LRRC7: variants seen among roughly 807,000 people sequenced by gnomAD.
LRRC7 encodes the protein leucine-rich repeat-containing protein 7.
LRRC7 carries 23 observed loss-of-function variants against 175.7 expected under a neutral mutation model. The ratio of observed to expected loss-of-function variants is 0.13; its 90% confidence interval spans 0.09 to 0.19. LRRC7 has a LOEUF of 0.19. Among genes scored for constraint, LRRC7 ranks in the 10% least tolerant of loss-of-function variants. LRRC7 has a pLI of 1.00. For synonymous variants in LRRC7, 685 were observed against 680.9 expected, an observed-to-expected ratio of 1.01 and a Z score of -0.09; for missense variants, 1,354 against 1,904.7, an observed-to-expected ratio of 0.71 and a Z score of 5.38.
intron 4 of LRRC7, among the ~76,000 whole-genome samples, chr1:69,793,695 G>T (rs747184783): frequency 6.6e-6 from 1 of 151,424 alleles, no homozygotes; most frequent in Non-Finnish European, 1.5e-5. Context: ...CTATTGTCTG[G>T]AATCTCCTTA....
chr1:69,956,834 G>A (rs1650542880), intron 8 of LRRC7, among the ~76,000 whole-genome samples: 1 of 151,396 alleles, frequency 6.6e-6, no homozygotes, highest in Admixed American at 6.6e-5. Context: ...AACTCTAATA[G>A]TGTTTAAAAA....
intron 7 of LRRC7, among the ~76,000 whole-genome samples, chr1:69,926,369 CT>C (rs973625949): frequency 4.6e-5 from 6 of 131,216 alleles, no homozygotes; most frequent in African/African-American, 1.6e-4. Flanking sequence ...TCCTTGTTAA[CT>C]TTCTGTCTCG....
chr1:69,830,436 A>G (rs2101288119), intron 5 of LRRC7, among the ~76,000 whole-genome samples: 1 of 151,960 alleles, frequency 6.6e-6, no homozygotes, highest in Admixed American at 6.6e-5. Flanking sequence ...TGGCAGACTC[A>G]CTGACTGTAT....
chr1:69,649,780 T>C (rs563152058), intron 1 of LRRC7, among the ~76,000 whole-genome samples: 1 of 152,196 alleles, frequency 6.6e-6, no homozygotes, highest in East Asian at 1.9e-4. Context: ...CTCCAGCTTT[T>C]TGTGCAAGCA....
chr1:69,925,478 G>T (rs1024442258), intron 7 of LRRC7, among the ~76,000 whole-genome samples: 6 of 152,048 alleles, frequency 3.9e-5, no homozygotes, highest in East Asian at 1.9e-4. Flanking sequence ...CAATTTCAGA[G>T]GCTGTTATTG....
chr1:69,909,096 T>A (rs1179801415), intron 7 of LRRC7, among the ~76,000 whole-genome samples: 1 of 151,918 alleles, frequency 6.6e-6, no homozygotes, highest in Non-Finnish European at 1.5e-5. Context: ...TTGCAACCCC[T>A]GCCTTTTTTT....
chr1:70,026,953 T>C (rs1294832571), intron 17 of LRRC7, among the ~76,000 whole-genome samples: 1 of 152,120 alleles, frequency 6.6e-6, no homozygotes, highest in African/African-American at 2.4e-5. Flanking sequence ...ATTCATAGTT[T>C]TCAGATCTAT....
intron 2 of LRRC7, among the ~76,000 whole-genome samples, chr1:69,741,104 T>C (rs573154515): frequency 2.6e-5 from 4 of 152,142 alleles, no homozygotes; most frequent in Non-Finnish European, 5.9e-5. Context: ...AAGGGAGTCA[T>C]GTCAACAATT....
intron 1 of LRRC7, among the ~76,000 whole-genome samples, chr1:69,572,828 T>A (rs572105093): frequency 6.6e-6 from 1 of 152,210 alleles, no homozygotes; most frequent in Non-Finnish European, 1.5e-5. Context: ...AAGTATAAAC[T>A]TTTTTGTATA....
At chr1:69,839,575 C>G (rs61784022) in intron 7 of LRRC7, among the ~76,000 whole-genome samples, 3 of 125,714 alleles carry the variant, frequency 2.4e-5, no homozygotes, top group African/African-American at 4.6e-5. Context: ...ATCCCTGATG[C>G]TTTTGTCTGC....
intron 1 of LRRC7, among the ~76,000 whole-genome samples, chr1:69,589,040 A>T (rs1646519113): frequency 6.9e-6 from 1 of 144,314 alleles, no homozygotes; most frequent in African/African-American, 2.7e-5. Context: ...CATGTAATAT[A>T]CATTTTTAGT....
chr1:70,063,535 T>C (rs964154189), intron 23 of LRRC7, among the ~76,000 whole-genome samples: 1 of 151,994 alleles, frequency 6.6e-6, no homozygotes, highest in African/African-American at 2.4e-5. Context: ...TAACTTGAAG[T>C]TCTACATAAC....
At chr1:69,723,023 G>T (rs932392873) in intron 2 of LRRC7, among the ~76,000 whole-genome samples, 1 of 151,904 alleles carries the variant, frequency 6.6e-6, no homozygotes, top group Non-Finnish European at 1.5e-5. Context: ...ATTTTTAAAG[G>T]TATATGAGGT....
intron 2 of LRRC7, among the ~76,000 whole-genome samples, chr1:69,737,305 A>G (rs560808416): frequency 6.6e-6 from 1 of 152,062 alleles, no homozygotes; most frequent in South Asian, 2.1e-4. Flanking sequence ...GTCTCACGAG[A>G]TCTGATGGTC....
chr1:69,986,214 A>G, intron 9 of LRRC7, 28 bp from the exon 10 acceptor site: 2 of 1,602,412 alleles, frequency 1.2e-6, no homozygotes, highest in Non-Finnish European at 1.7e-6. Context: ...TCTCTCAACT[A>G]ACCCTGAGTT....
chr1:69,812,698 A>G (rs759836400), intron 4 of LRRC7, among the ~76,000 whole-genome samples: 1 of 152,136 alleles, frequency 6.6e-6, no homozygotes, highest in African/African-American at 2.4e-5. Flanking sequence ...AGAGTAAACC[A>G]TTTGGGCTGA....
At chr1:69,851,989 A>G (rs1374618281) in intron 7 of LRRC7, among the ~76,000 whole-genome samples, 1 of 152,140 alleles carries the variant, frequency 6.6e-6, no homozygotes, top group African/African-American at 2.4e-5. Flanking sequence ...GTAAATGTGA[A>G]GATATGAAAA....
At chr1:69,731,466 A>G (rs922131926) in intron 2 of LRRC7, among the ~76,000 whole-genome samples, 1 of 152,228 alleles carries the variant, frequency 6.6e-6, no homozygotes, top group Admixed American at 6.5e-5. Flanking sequence ...TAGCCCAACC[A>G]TATCAAGTAT....
chr1:69,914,605 C>G (rs1045252747), intron 7 of LRRC7, among the ~76,000 whole-genome samples: 3 of 152,164 alleles, frequency 2.0e-5, no homozygotes, highest in African/African-American at 4.8e-5. Flanking sequence ...AAATAGTTAT[C>G]TAGTGACAAT....
Sources: gnomAD v4.1 joint callset for allele counts (sites outside exome capture counted in the v4.1 genomes callset) on GRCh38, gnomAD v4.1.1 for gene constraint, MANE v1.5 for transcripts, NCBI Gene and HGNC (gene_info 2026-07-23, HGNC 2026-07-21) for gene names.